The following SAMD4A variants were observed in gnomAD, a reference collection of about 807,000 sequenced individuals.
SAMD4A encodes protein Smaug homolog 1.
Under a neutral mutation model 81.3 loss-of-function variants are expected in SAMD4A, and 33 were observed. The observed-to-expected ratio is 0.41, with a 90% CI of 0.31 to 0.54. SAMD4A has a LOEUF of 0.54. Ranked by LOEUF, SAMD4A falls within the 20% of genes least tolerant of loss-of-function variation. SAMD4A has a pLI of 0.37. For synonymous variants in SAMD4A, 389 were observed against 382.1 expected (o/e 1.02, Z -0.21); for missense variants, 854 against 951.1 (o/e 0.90, Z 1.34).
chr14:54,641,040 G>A (rs762419329), intron 2 of SAMD4A, among the ~76,000 whole-genome samples: 1 of 152,052 alleles, frequency 6.6e-6, no homozygotes, highest in Non-Finnish European at 1.5e-5. Context: ...ATAAAAGCTC[G>A]GCTGTTCCTC....
chr14:54,729,585 T>C (rs2037508417), intron 3 of SAMD4A, among the ~76,000 whole-genome samples: 1 of 152,186 alleles, frequency 6.6e-6, no homozygotes, highest in Non-Finnish European at 1.5e-5. Flanking sequence ...ATATCTTCAT[T>C]TTATGTGGAT....
intron 2 of SAMD4A, among the ~76,000 whole-genome samples, chr14:54,595,315 A>C (rs1364430001): frequency 6.6e-6 from 1 of 151,898 alleles, no homozygotes; most frequent in Non-Finnish European, 1.5e-5. Flanking sequence ...ACAATCACAT[A>C]CATGTTGAAT....
At chr14:54,771,566 C>T (rs192079639) in intron 9 of SAMD4A, among the ~76,000 whole-genome samples, 61 of 152,340 alleles carry the variant, frequency 4.0e-4, no homozygotes, top group African/African-American at 1.3e-3. Flanking sequence ...TTGGACTAGA[C>T]TACCTCTTTG....
intron 3 of SAMD4A, among the ~76,000 whole-genome samples, chr14:54,721,333 G>A (rs1176717839): frequency 6.6e-6 from 1 of 152,120 alleles, no homozygotes; most frequent in African/African-American, 2.4e-5. Flanking sequence ...TAGTCCCTAC[G>A]CCCCAATAAA....
chr14:54,721,522 T>A (rs796904632), intron 3 of SAMD4A, among the ~76,000 whole-genome samples: 4 of 152,328 alleles, frequency 2.6e-5, no homozygotes, highest in African/African-American at 7.2e-5. Flanking sequence ...TTCAAGCTCT[T>A]ACTTTTCTTG....
Position 54,787,626 on chromosome 14 carries a change from C to T in SAMD4A, c.2129-1290C>T, listed in dbSNP as rs557306461. 2.0e-5 allele frequency among the ~76,000 whole-genome samples: 3 copies of T among 152,364 alleles called. No individual in the cohort carries two copies. In the East Asian group the frequency reaches 5.8e-4, roughly 29 times the overall value. The stretch of plus-strand genomic sequence containing the variant: ...GGACATCAGCAAAGCCAGGGAGGCA[C>T]CCCACAGCCCTGTCTCACCCACATT... On this transcript the variant is annotated intron_variant, in intron 12 of 12. Coordinates refer to ENST00000554335, the MANE Select transcript of SAMD4A (RefSeq NM_015589.6).
intron 3 of SAMD4A, among the ~76,000 whole-genome samples, chr14:54,725,053 T>C (rs969315692): frequency 3.9e-5 from 6 of 152,224 alleles, no homozygotes; most frequent in African/African-American, 7.2e-5. Flanking sequence ...GCATGTCACA[T>C]GGTGGGCACT....
chr14:54,790,459 CTG>C lies in SAMD4A; in HGVS notation c.*1518_*1519del, dbSNP rs1469167958. On this transcript the variant is annotated 3_prime_UTR_variant, in exon 13 of 13. Coordinates refer to ENST00000554335, the MANE Select transcript of SAMD4A (RefSeq NM_015589.6). ...CGTTACTTGGTGGGAGATTGAGAAA[CTG>C]TGGTACCTACCACAAAGTAATAGCT... 2 of 152,220 alleles carry C rather than the reference CTG, an allele frequency of 1.3e-5. No individual in the cohort carries two copies. The highest frequency in any genetic ancestry group is 2.9e-5 in the Non-Finnish European group (2 of 68,050). 9.4% of individuals were successfully genotyped at this position (152,220 alleles called of 1,614,324 possible). A position where few individuals can be genotyped will look rare whatever the true frequency, so the allele number is the denominator to read the frequency against.
intron 2 of SAMD4A, among the ~76,000 whole-genome samples, chr14:54,700,610 G>A (rs1463556974): frequency 6.6e-6 from 1 of 152,160 alleles, no homozygotes; most frequent in African/African-American, 2.4e-5. Context: ...CAGCAGGACT[G>A]TCCAGCCCTA....
At chr14:54,660,973 G>T (rs185234746) in intron 2 of SAMD4A, among the ~76,000 whole-genome samples, 5 of 152,146 alleles carry the variant, frequency 3.3e-5, no homozygotes, top group African/African-American at 1.2e-4. Context: ...TCTCTGGAGG[G>T]TTTTTCCACC....
At chr14:54,753,659 T>C (rs1421600616) in intron 6 of SAMD4A, among the ~76,000 whole-genome samples, 2 of 143,172 alleles carry the variant, frequency 1.4e-5, no homozygotes, top group Non-Finnish European at 3.1e-5. Flanking sequence ...AATGCATATA[T>C]GTTATATATA....
At chr14:54,686,645 A>G (rs1335510290) in intron 2 of SAMD4A, among the ~76,000 whole-genome samples, 1 of 152,082 alleles carries the variant, frequency 6.6e-6, no homozygotes. Flanking sequence ...TGAATGTGAA[A>G]AAAAGAAAAC....
At chr14:54,749,148 C>T (rs760605973) in intron 5 of SAMD4A, among the ~76,000 whole-genome samples, 2 of 152,110 alleles carry the variant, frequency 1.3e-5, no homozygotes, top group East Asian at 1.9e-4. Flanking sequence ...ACTGCAGGGT[C>T]GTGAGGGTGA....
chr14:54,615,613 C>T (rs969840641), intron 2 of SAMD4A, among the ~76,000 whole-genome samples: 15 of 152,162 alleles, frequency 9.9e-5, no homozygotes, highest in African/African-American at 3.6e-4. Flanking sequence ...AAAGGGTGTT[C>T]CAGGTTCCAC....
chr14:54,776,276 C>G, intron 10 of SAMD4A, 138 bp from the exon 11 acceptor site: 1 of 827,010 alleles, frequency 1.2e-6, no homozygotes. Flanking sequence ...TAAGCAGATG[C>G]TAGCACTGGC....
chr14:54,697,479 T>G (rs2036605382), intron 2 of SAMD4A, among the ~76,000 whole-genome samples: 1 of 152,174 alleles, frequency 6.6e-6, no homozygotes, highest in African/African-American at 2.4e-5. Flanking sequence ...CATTCTCTCC[T>G]TGAGGGTAGC....
chr14:54,636,352 T>C (rs964191631), intron 2 of SAMD4A, among the ~76,000 whole-genome samples: 3 of 151,848 alleles, frequency 2.0e-5, no homozygotes, highest in Admixed American at 6.6e-5. Flanking sequence ...AGGTAAGTGG[T>C]GGTGGGGGAG....
In SAMD4A at chr14:54,635,308, T is replaced by C. The variant is rs376026684; in HGVS notation, c.197-66754T>C. Among the ~76,000 whole-genome samples the C allele has an allele frequency of 2.6e-3, 391 of 147,864 alleles. 5 individuals are homozygous for C. The highest frequency in any genetic ancestry group is 9.7e-3 in the African/African-American group (368 of 37,918). On this transcript the variant is annotated intron_variant, in intron 2 of 12. Transcript: ENST00000554335. ...GGCATGGTGGCAGGCACCTGTAATC[T>C]CAGCTACTCAGGAGGCTGAGGCAGG...
At chr14:54,642,344 A>C (rs2035193257) in intron 2 of SAMD4A, among the ~76,000 whole-genome samples, 1 of 152,204 alleles carries the variant, frequency 6.6e-6, no homozygotes. Flanking sequence ...TGTTCAATGA[A>C]GAGTTACAGT....
Sources: allele counts gnomAD v4.1 joint callset (sites outside exome capture counted in the v4.1 genomes callset), GRCh38; gene constraint gnomAD v4.1.1; transcripts MANE v1.5; gene names NCBI Gene and HGNC (gene_info 2026-07-23, HGNC 2026-07-21).